Variants in GPC5 observed in about 807,000 individuals in gnomAD.
GPC5 encodes glypican 5, also known as glypican-5.
In GPC5, 47 loss-of-function variants were observed where a neutral mutation model predicts 53.9. The observed-to-expected ratio is 0.87, with a 90% CI of 0.69 to 1.11. The LOEUF is 1.11. Among genes scored for constraint, GPC5 ranks in the 50% most tolerant of loss-of-function variants. The pLI is 0.00. For missense variants in GPC5, 748 were observed against 713.1 expected, an observed-to-expected ratio of 1.05 and a Z score of -0.56; for synonymous variants, 286 against 263.3, an observed-to-expected ratio of 1.09 and a Z score of -0.84.
intron 7 of GPC5, among the ~76,000 whole-genome samples, chr13:92,342,846 G>T (rs1404181092): frequency 2.0e-5 from 3 of 151,896 alleles, no homozygotes; most frequent in Non-Finnish European, 4.4e-5. Flanking sequence ...CTTTAGCTTT[G>T]GTCAGAGATT....
intron 7 of GPC5, among the ~76,000 whole-genome samples, chr13:92,243,062 A>C (rs1421417110): frequency 1.3e-5 from 2 of 152,142 alleles, no homozygotes; most frequent in African/African-American, 4.8e-5. Context: ...TTAAAACTTA[A>C]ATTTTCCTTT....
At chr13:92,756,518 T>C (rs943958975) in intron 7 of GPC5, among the ~76,000 whole-genome samples, 1 of 152,030 alleles carries the variant, frequency 6.6e-6, no homozygotes, top group African/African-American at 2.4e-5. Context: ...GGGTATTCAA[T>C]TAGGAAAACA....
At chr13:92,180,439 G>C (rs937031689) in intron 7 of GPC5, among the ~76,000 whole-genome samples, 1 of 152,192 alleles carries the variant, frequency 6.6e-6, no homozygotes, top group Non-Finnish European at 1.5e-5. Flanking sequence ...TGGAAATAAA[G>C]AGCAGAAGTA....
chr13:92,094,584 A>G (rs1194694195), intron 6 of GPC5, among the ~76,000 whole-genome samples: 2 of 151,598 alleles, frequency 1.3e-5, no homozygotes, highest in Non-Finnish European at 2.9e-5. Context: ...ATTTTCAAAA[A>G]AGAAAATCTA....
intron 7 of GPC5, among the ~76,000 whole-genome samples, chr13:92,396,381 C>A (rs948993968): frequency 2.0e-5 from 3 of 151,956 alleles, no homozygotes; most frequent in Non-Finnish European, 2.9e-5. Flanking sequence ...GCTTTCATGT[C>A]ATGTTTGCTT....
Position 91,774,697 on chromosome 13 carries a change from C to G in GPC5, c.1280+18277C>G, listed in dbSNP as rs534647127. 3.3e-5 allele frequency among the ~76,000 whole-genome samples: 5 copies of G among 152,126 alleles called. No homozygotes were observed. In the East Asian group the frequency reaches 5.8e-4, roughly 18 times the overall value. On this transcript the variant is annotated intron_variant, in intron 5 of 7. Coordinates refer to ENST00000377067, the MANE Select transcript of GPC5 (RefSeq NM_004466.6). The stretch of plus-strand genomic sequence containing the variant: ...AGTCCATGCTCTGCTCCTCACACCC[C>G]CTCCCTACACCCTAGTCATCAATCA...
chr13:92,517,387 C>T (rs1300688491), intron 7 of GPC5, among the ~76,000 whole-genome samples: 2 of 152,222 alleles, frequency 1.3e-5, no homozygotes, highest in African/African-American at 2.4e-5. Flanking sequence ...CAGACTGCCT[C>T]CTCAAGTGGG....
chr13:92,794,720 A>C (rs1876594175), intron 7 of GPC5, among the ~76,000 whole-genome samples: 1 of 152,180 alleles, frequency 6.6e-6, no homozygotes, highest in Admixed American at 6.6e-5. Flanking sequence ...AAAAATCACA[A>C]GCATTCCTAT....
intron 7 of GPC5, among the ~76,000 whole-genome samples, chr13:92,188,077 C>T (rs1189870549): frequency 6.6e-6 from 1 of 152,110 alleles, no homozygotes; most frequent in Admixed American, 6.5e-5. Context: ...CCTAGTCCCA[C>T]CTCAGTCTCA....
At chr13:92,438,907 A>T (rs1877434656) in intron 7 of GPC5, among the ~76,000 whole-genome samples, 1 of 152,168 alleles carries the variant, frequency 6.6e-6, no homozygotes, top group African/African-American at 2.4e-5. Context: ...GCATGCTGGA[A>T]AAAATGAGTG....
intron 6 of GPC5, among the ~76,000 whole-genome samples, chr13:91,974,366 A>C (rs1373890263): frequency 6.6e-6 from 1 of 152,166 alleles, no homozygotes. Flanking sequence ...ATATCTAGAA[A>C]AACCCATTGT....
intron 6 of GPC5, among the ~76,000 whole-genome samples, chr13:91,925,518 A>T (rs2039758565): frequency 6.6e-6 from 1 of 152,198 alleles, no homozygotes; most frequent in Admixed American, 6.5e-5. Context: ...TACAAAAACG[A>T]TTAAATGAGG....
intron 5 of GPC5, among the ~76,000 whole-genome samples, chr13:91,833,161 C>T (rs201472096): frequency 6.6e-6 from 1 of 152,074 alleles, no homozygotes; most frequent in Admixed American, 6.6e-5. Context: ...GGATAAATTC[C>T]TGGACACATA....
At chr13:92,116,326 A>C (rs1439676871) in intron 6 of GPC5, among the ~76,000 whole-genome samples, 2 of 152,172 alleles carry the variant, frequency 1.3e-5, no homozygotes, top group Non-Finnish European at 2.9e-5. Flanking sequence ...TCATGAAGAC[A>C]AATAGAAGAG....
chr13:91,897,911 C>T (rs978049441), intron 5 of GPC5, among the ~76,000 whole-genome samples: 9 of 152,060 alleles, frequency 5.9e-5, no homozygotes, highest in African/African-American at 1.9e-4. Context: ...AACACTTTAA[C>T]TGTGAGCTTC....
At chr13:92,555,940 A>G (rs1882479151) in intron 7 of GPC5, among the ~76,000 whole-genome samples, 2 of 151,626 alleles carry the variant, frequency 1.3e-5, no homozygotes, top group South Asian at 4.1e-4. Flanking sequence ...TGTATTTCAT[A>G]TACAAGTGTA....
intron 5 of GPC5, among the ~76,000 whole-genome samples, chr13:91,768,275 A>G (rs985727521): frequency 5.9e-5 from 9 of 152,166 alleles, no homozygotes; most frequent in African/African-American, 2.2e-4. Context: ...TTATTGTCCA[A>G]CCATCCAAAT....
chr13:91,402,207 C>G (rs1877005383), intron 1 of GPC5, among the ~76,000 whole-genome samples: 1 of 152,014 alleles, frequency 6.6e-6, no homozygotes, highest in Admixed American at 6.5e-5. Context: ...TTGAAATATG[C>G]ATGTTTGTTG....
chr13:92,523,156 T>C (rs1881135278), intron 7 of GPC5, among the ~76,000 whole-genome samples: 1 of 152,172 alleles, frequency 6.6e-6, no homozygotes, highest in African/African-American at 2.4e-5. Context: ...TTGTTTGTAA[T>C]AATGCTCAGA....
Sources: gnomAD v4.1 joint callset for allele counts (sites outside exome capture counted in the v4.1 genomes callset) on GRCh38, gnomAD v4.1.1 for gene constraint, MANE v1.5 for transcripts, NCBI Gene and HGNC (gene_info 2026-07-23, HGNC 2026-07-21) for gene names.